GABRB1: variants seen among roughly 807,000 people sequenced by gnomAD.
The protein encoded by GABRB1 is gamma-aminobutyric acid receptor subunit beta-1.
In GABRB1, 17 loss-of-function variants were observed where a neutral mutation model predicts 51.6. The ratio of observed to expected loss-of-function variants is 0.33; its 90% CI spans 0.23 to 0.49. GABRB1 has a LOEUF of 0.49. GABRB1 is among the 20% of genes least tolerant of loss of function. The pLI is 0.99. For synonymous variants in GABRB1, 247 were observed against 218.9 expected, an observed-to-expected ratio of 1.13 and a Z score of -1.14; for missense variants, 410 against 600.6, an observed-to-expected ratio of 0.68 and a Z score of 3.32.
intron 5 of GABRB1, among the ~76,000 whole-genome samples, chr4:47,400,372 T>G (rs1046795311): frequency 4.6e-5 from 7 of 152,216 alleles, no homozygotes; most frequent in African/African-American, 1.7e-4. Context: ...CCACTTGTTT[T>G]CCTTCTCTAG....
At chr4:47,352,142 G>T (rs569136832) in intron 5 of GABRB1, among the ~76,000 whole-genome samples, 10 of 152,244 alleles carry the variant, frequency 6.6e-5, no homozygotes, top group African/African-American at 2.2e-4. Context: ...GTTTTGATTT[G>T]CATTTCTCTG....
chr4:47,410,524 A>G (rs568246581), intron 8 of GABRB1, among the ~76,000 whole-genome samples: 1 of 152,332 alleles, frequency 6.6e-6, no homozygotes, highest in South Asian at 2.1e-4. Context: ...CTGAAGTTGT[A>G]TTGACCTGAA....
At chr4:46,994,383 G>A (rs1385809570) in intron 1 of GABRB1, 2 of 151,610 alleles carry the variant, frequency 1.3e-5, no homozygotes, top group Non-Finnish European at 2.9e-5. Context: ...TCAGAATGGA[G>A]TTGACTTACT....
intron 3 of GABRB1, among the ~76,000 whole-genome samples, chr4:47,042,503 C>A (rs191445454): frequency 1.4e-5 from 2 of 146,018 alleles, no homozygotes; most frequent in Non-Finnish European, 3.0e-5. Context: ...TATATATAGT[C>A]TGCTTTAAAA....
chr4:47,118,468 T>TA (rs1560542713), intron 3 of GABRB1, among the ~76,000 whole-genome samples: 1 of 152,172 alleles, frequency 6.6e-6, no homozygotes, highest in East Asian at 1.9e-4. Context: ...TTTACAGTTT[T>TA]AAAAAAATGA....
intron 4 of GABRB1, among the ~76,000 whole-genome samples, chr4:47,318,325 T>C (rs913578703): frequency 6.6e-6 from 1 of 151,998 alleles, no homozygotes; most frequent in African/African-American, 2.4e-5. Context: ...ATTTTTATTA[T>C]CACCTTAGCA....
At chr4:47,340,495 C>T (rs1294378163) in intron 5 of GABRB1, among the ~76,000 whole-genome samples, 1 of 152,116 alleles carries the variant, frequency 6.6e-6, no homozygotes, top group African/African-American at 2.4e-5. Context: ...AGTCCAAGAT[C>T]AAAGCACCAG....
chr4:47,361,768 C>A (rs1726814036), intron 5 of GABRB1, among the ~76,000 whole-genome samples: 1 of 152,090 alleles, frequency 6.6e-6, no homozygotes, highest in African/African-American at 2.4e-5. Context: ...TTCCAAGTTT[C>A]TGAATGGTGC....
intron 5 of GABRB1, among the ~76,000 whole-genome samples, chr4:47,398,569 G>C (rs1162871566): frequency 6.6e-6 from 1 of 152,128 alleles, no homozygotes; most frequent in Non-Finnish European, 1.5e-5. Flanking sequence ...GAGAGAGAGA[G>C]AGAGAGAGAC....
intron 3 of GABRB1, among the ~76,000 whole-genome samples, chr4:47,130,644 C>G (rs1415136144): frequency 2.6e-5 from 4 of 152,066 alleles, no homozygotes; most frequent in Non-Finnish European, 1.5e-5. Context: ...TTTCATGACC[C>G]TTATTACATT....
intron 5 of GABRB1, among the ~76,000 whole-genome samples, chr4:47,390,060 A>T (rs1578140430): frequency 6.6e-6 from 1 of 152,244 alleles, no homozygotes; most frequent in Non-Finnish European, 1.5e-5. Context: ...GCAAACAGCT[A>T]AAAGAGAAAA....
intron 3 of GABRB1, among the ~76,000 whole-genome samples, chr4:47,072,916 A>C (rs772790210): frequency 6.6e-6 from 1 of 152,206 alleles, no homozygotes; most frequent in Non-Finnish European, 1.5e-5. Context: ...AGCATTGACA[A>C]TGTCACCATT....
chr4:47,294,359 A>C (rs1361911469), intron 4 of GABRB1, among the ~76,000 whole-genome samples: 1 of 152,210 alleles, frequency 6.6e-6, no homozygotes, highest in African/African-American at 2.4e-5. Flanking sequence ...TAGTCAAAGA[A>C]AGGGGTGACA....
At chr4:47,030,882 C>T (rs569299612), upstream of GABRB1, among the ~76,000 whole-genome samples, 20 of 152,222 alleles carry the variant, frequency 1.3e-4, no homozygotes, top group African/African-American at 4.1e-4. Context: ...ATTGCCTGCC[C>T]AGAACTGCTG....
chr4:47,245,787 T>C (rs1173249039), intron 4 of GABRB1, among the ~76,000 whole-genome samples: 2 of 151,898 alleles, frequency 1.3e-5, no homozygotes, highest in Non-Finnish European at 2.9e-5. Flanking sequence ...TGAGGAGCAT[T>C]GTGCATACTG....
At chr4:47,296,318 T>C (rs1723991213) in intron 4 of GABRB1, among the ~76,000 whole-genome samples, 1 of 152,116 alleles carries the variant, frequency 6.6e-6, no homozygotes, top group Admixed American at 6.5e-5. Flanking sequence ...ACTGGCAAAT[T>C]GGATAAAGAG....
At chr4:46,995,136 T>C (rs1723947609) in intron 1 of GABRB1, among the ~76,000 whole-genome samples, 1 of 152,208 alleles carries the variant, frequency 6.6e-6, no homozygotes, top group Non-Finnish European at 1.5e-5. Context: ...TTTTATCTGC[T>C]GTTACAGTGC....
At chr4:47,385,161 A>C (rs774580314) in intron 5 of GABRB1, among the ~76,000 whole-genome samples, 2 of 152,244 alleles carry the variant, frequency 1.3e-5, no homozygotes, top group Non-Finnish European at 2.9e-5. Flanking sequence ...TCCTATCATA[A>C]TAATGCCATG....
intron 5 of GABRB1, among the ~76,000 whole-genome samples, chr4:47,397,739 T>C (rs1021492094): frequency 1.4e-4 from 22 of 151,870 alleles, no homozygotes; most frequent in Non-Finnish European, 2.8e-4. Flanking sequence ...GCTAATTTTT[T>C]TTTTTGTATT....
Sources: allele counts gnomAD v4.1 joint callset (sites outside exome capture counted in the v4.1 genomes callset), GRCh38; gene constraint gnomAD v4.1.1; transcripts MANE v1.5; gene names NCBI Gene and HGNC (gene_info 2026-07-23, HGNC 2026-07-21).